TRPC7: variants seen among roughly 807,000 people sequenced by gnomAD.
The protein encoded by TRPC7 is transient receptor potential cation channel subfamily C member 7.
A neutral mutation model predicts 90.1 loss-of-function variants in TRPC7; 42 were observed. The ratio of observed to expected loss-of-function variants is 0.47; its 90% CI spans 0.36 to 0.60. The LOEUF (loss-of-function observed/expected upper bound fraction) is 0.60. Ranked by LOEUF, TRPC7 falls within the 20% of genes least tolerant of loss-of-function variation. The pLI is 0.00. For synonymous variants in TRPC7, 451 were observed against 436.3 expected (o/e 1.03, Z -0.42); for missense variants, 955 against 1,112.3 (o/e 0.86, Z 2.01).
At chr5:136,290,070 C>A (rs1019384880) in intron 3 of TRPC7, among the ~76,000 whole-genome samples, 2 of 152,210 alleles carry the variant, frequency 1.3e-5, no homozygotes, top group African/African-American at 4.8e-5. Flanking sequence ...AACAGACCTG[C>A]AGCTGAGGGT....
chr5:136,226,063 C>G lies in TRPC7; in HGVS notation c.2233G>C (p.Glu745Gln). Residue 745 changes from glutamate to glutamine, a missense_variant, in exon 9 of 12, where the codon GAA (glutamate) becomes CAA (glutamine). Physicochemically the swap from Glu to Gln is conservative, Grantham distance 29 (BLOSUM62 2). Coordinates refer to ENST00000513104, the MANE Select transcript of TRPC7 (RefSeq NM_020389.3). ...AATTTGGAATTCAGCATGCCCATTT[C>G]AAGGTCATTTTCACAGCTTTTGGCC... ...SKAKSCENDL[E>Q]MGMLNSKFKK... The G allele has an allele frequency of 6.2e-7, 1 of 1,602,632 alleles. No individual in the cohort carries two copies. Among genetic ancestry groups the G allele is most frequent in the Non-Finnish European group, 8.5e-7 (1 of 1,174,028 alleles).
At chr5:136,354,235 T>C (rs968807935) in intron 2 of TRPC7, among the ~76,000 whole-genome samples, 2 of 152,200 alleles carry the variant, frequency 1.3e-5, no homozygotes, top group Non-Finnish European at 2.9e-5. Context: ...GACCTTAATG[T>C]TGGTAGGTAA....
At chr5:136,309,255 T>C (rs915426016) in intron 3 of TRPC7, among the ~76,000 whole-genome samples, 1 of 152,262 alleles carries the variant, frequency 6.6e-6, no homozygotes, top group Non-Finnish European at 1.5e-5. Flanking sequence ...ACTGACTTTC[T>C]GTGTTACCAT....
intron 3 of TRPC7, among the ~76,000 whole-genome samples, chr5:136,313,946 C>T (rs1758923917): frequency 6.6e-6 from 1 of 152,170 alleles, no homozygotes; most frequent in African/African-American, 2.4e-5. Context: ...CAAAAGAGGA[C>T]ATATAGTTAT....
chr5:136,296,641 A>G (rs1356883401), intron 3 of TRPC7, among the ~76,000 whole-genome samples: 2 of 152,224 alleles, frequency 1.3e-5, no homozygotes, highest in Non-Finnish European at 2.9e-5. Flanking sequence ...TCACAAAATT[A>G]TTTACCCTAT....
At chr5:136,236,503 G>C (rs923728849) in intron 7 of TRPC7, among the ~76,000 whole-genome samples, 1 of 152,170 alleles carries the variant, frequency 6.6e-6, no homozygotes, top group African/African-American at 2.4e-5. Flanking sequence ...TAGTCAATAG[G>C]CCACCCCAGC....
At chr5:136,262,668 GC>G (rs1756895949) in intron 5 of TRPC7, among the ~76,000 whole-genome samples, 1 of 152,088 alleles carries the variant, frequency 6.6e-6, no homozygotes, top group South Asian at 2.1e-4. Context: ...TCTGTTACTA[GC>G]CAGGATGGAG....
intron 8 of TRPC7, among the ~76,000 whole-genome samples, chr5:136,230,573 T>A (rs757184566): frequency 6.6e-6 from 1 of 152,230 alleles, no homozygotes; most frequent in Non-Finnish European, 1.5e-5. Flanking sequence ...TAAAATAGAA[T>A]TGCACAGCAT....
At chr5:136,213,845 T>C (rs1258355034) in intron 11 of TRPC7, among the ~76,000 whole-genome samples, 1 of 152,194 alleles carries the variant, frequency 6.6e-6, no homozygotes, top group Non-Finnish European at 1.5e-5. Flanking sequence ...AACCTTTCCC[T>C]TAGGGGTTTG....
intron 2 of TRPC7, among the ~76,000 whole-genome samples, chr5:136,328,164 T>C (rs936973375): frequency 1.7e-4 from 26 of 152,178 alleles, no homozygotes; most frequent in African/African-American, 6.0e-4. Flanking sequence ...TCAAGTTTAG[T>C]GCAGAGACCG....
At chr5:136,230,718 C>G (rs1755789650) in intron 8 of TRPC7, among the ~76,000 whole-genome samples, 2 of 152,310 alleles carry the variant, frequency 1.3e-5, no homozygotes, top group South Asian at 4.1e-4. Flanking sequence ...TGATAAATTG[C>G]TTCCTGATAC....
intron 3 of TRPC7, among the ~76,000 whole-genome samples, chr5:136,277,509 C>G (rs1022510541): frequency 6.6e-6 from 1 of 152,002 alleles, no homozygotes; most frequent in Non-Finnish European, 1.5e-5. Context: ...AGATTTTTTT[C>G]CCATGTGATT....
intron 11 of TRPC7, among the ~76,000 whole-genome samples, chr5:136,215,350 A>G (rs527856054): frequency 1.3e-5 from 2 of 152,048 alleles, no homozygotes; most frequent in East Asian, 1.9e-4. Flanking sequence ...AATGTCCCCT[A>G]CTCCCAAGAT....
intron 3 of TRPC7, among the ~76,000 whole-genome samples, chr5:136,290,405 C>T (rs980921908): frequency 4.6e-5 from 7 of 152,082 alleles, no homozygotes; most frequent in Admixed American, 6.5e-5. Context: ...AAAAATCAGA[C>T]GAATGGATAA....
intron 2 of TRPC7, among the ~76,000 whole-genome samples, chr5:136,338,087 A>G (rs1245802723): frequency 3.3e-5 from 5 of 152,144 alleles, no homozygotes; most frequent in South Asian, 2.1e-4. Context: ...TAGCATTTCA[A>G]TGTGGCCCTT....
At chr5:136,216,858 T>G (rs1755285198) in intron 10 of TRPC7, among the ~76,000 whole-genome samples, 1 of 152,200 alleles carries the variant, frequency 6.6e-6, no homozygotes, top group Non-Finnish European at 1.5e-5. Context: ...CTCTGGGGTT[T>G]TACAGAGATA....
chr5:136,246,922 C>T (rs1376562504), intron 7 of TRPC7, among the ~76,000 whole-genome samples: 1 of 152,272 alleles, frequency 6.6e-6, no homozygotes, highest in Non-Finnish European at 1.5e-5. Context: ...GAGATGTTAA[C>T]CCATTTCCCC....
chr5:136,352,536 T>C (rs1003197291), intron 2 of TRPC7, among the ~76,000 whole-genome samples: 2 of 152,160 alleles, frequency 1.3e-5, no homozygotes, highest in African/African-American at 4.8e-5. Flanking sequence ...CATTGTGTTC[T>C]TGGTGGCTGT....
At chr5:136,356,471 C>T (rs902031989) in intron 2 of TRPC7, 137 bp downstream of exon 2, 2 of 886,248 alleles carry the variant, frequency 2.3e-6, no homozygotes, top group Non-Finnish European at 3.2e-6. Context: ...ATGTGTTCCC[C>T]TCCTCCCCTG....
Sources: gnomAD v4.1 joint callset for allele counts (sites outside exome capture counted in the v4.1 genomes callset) on GRCh38, gnomAD v4.1.1 for gene constraint, MANE v1.5 for transcripts, NCBI Gene and HGNC (gene_info 2026-07-23, HGNC 2026-07-21) for gene names.